HOXC6: variants seen among roughly 807,000 people sequenced by gnomAD.
HOXC6 encodes the protein homeobox C6, also known as homeobox protein Hox-C6.
HOXC6 carries 10 observed loss-of-function variants against 24.0 expected under a neutral mutation model. The ratio of observed to expected loss-of-function variants is 0.42; its 90% CI spans 0.26 to 0.71. HOXC6 has a LOEUF of 0.71. HOXC6 is among the 30% of genes least tolerant of loss of function. HOXC6 has a pLI of 0.28. For synonymous variants in HOXC6, 123 were observed against 128.1 expected, an observed-to-expected ratio of 0.96 and a Z score of 0.27; for missense variants, 258 against 303.4, an observed-to-expected ratio of 0.85 and a Z score of 1.11.
chr12:54,019,714 C>G (rs908861606), intron 1 of HOXC6, among the ~76,000 whole-genome samples: 13 of 152,166 alleles, frequency 8.5e-5, no homozygotes, highest in African/African-American at 3.1e-4. Flanking sequence ...AGGTATTTCT[C>G]TTAATCCTAG....
chr12:54,029,739 T>C lies in HOXC6; in HGVS notation c.485T>C (p.Phe162Ser), dbSNP rs372813456. The change falls in exon 2 of 2, where the codon TTC becomes TCC. Residue 162 changes from phenylalanine to serine, a missense_variant. Coordinates refer to ENST00000243108, the MANE Select transcript of HOXC6 (RefSeq NM_004503.4). ...CTGGAACTGGAGAAGGAATTTCACT[T>C]CAATCGCTACCTAACGCGGCGCCGG... ...QTLELEKEFH[F>S]NRYLTRRRRI... 1 of 1,614,142 alleles carries C rather than the reference T, an allele frequency of 6.2e-7. No homozygotes were observed. Among genetic ancestry groups the C allele is most frequent in the South Asian group, 1.1e-5 (1 of 91,078 alleles).
intron 1 of HOXC6, among the ~76,000 whole-genome samples, chr12:54,023,371 G>A (rs1940535299): frequency 6.6e-6 from 1 of 152,230 alleles, no homozygotes; most frequent in African/African-American, 2.4e-5. Flanking sequence ...GCAGCAATAA[G>A]TGAAGTGCTG....
chr12:54,029,403 G>GCCCCCC (rs1234645036), intron 1 of HOXC6, among the ~76,000 whole-genome samples: 1 of 58,830 alleles, frequency 1.7e-5, no homozygotes, highest in Non-Finnish European at 3.5e-5. Flanking sequence ...CTTTTGCCCC[G>GCCCCCC]CCCCCCCGCC....
chr12:54,030,129 C>T lies in HOXC6; in HGVS notation c.*167C>T. 4.8e-6 allele frequency: 3 copies of T among 628,874 alleles called. No individual in the cohort carries two copies. The highest frequency in any genetic ancestry group is 8.1e-6 in the Non-Finnish European group (3 of 371,608). 39.0% of individuals were successfully genotyped at this position (628,874 alleles called of 1,614,324 possible). A position where few individuals can be genotyped will look rare whatever the true frequency, so the allele number is the denominator to read the frequency against. On this transcript the variant is annotated 3_prime_UTR_variant, in exon 2 of 2. Coordinates refer to ENST00000243108, the MANE Select transcript of HOXC6 (RefSeq NM_004503.4). Reference sequence around the variant, plus strand: ...CCTGAAAGTCAGCTCTGGACCCCCTCCCTCACCGCACAACTCTCTTTCACC... The same window carrying T: ...CCTGAAAGTCAGCTCTGGACCCCCTTCCTCACCGCACAACTCTCTTTCACC...
upstream of HOXC6, among the ~76,000 whole-genome samples, chr12:54,026,277 CTTG>C (rs1348735364): frequency 6.6e-6 from 1 of 152,136 alleles, no homozygotes; most frequent in African/African-American, 2.4e-5. Flanking sequence ...GTACTCCTGC[CTTG>C]TTGTCTCTCC....
chr12:54,024,645 C>T (rs1565738246), upstream of HOXC6, among the ~76,000 whole-genome samples: 1 of 152,184 alleles, frequency 6.6e-6, no homozygotes, highest in Non-Finnish European at 1.5e-5. Context: ...CCACGAACTT[C>T]TTCAGGCTGG....
At position 54,029,674 on chromosome 12, in the gene HOXC6, C is replaced by T; in HGVS notation, c.420C>T (p.Asp140=). Residue 140 remains aspartate, a synonymous_variant, in exon 2 of 2, where the codon GAC becomes GAT. Transcript: ENST00000243108. ...CTTTAGGGGTCGGCTACGGAGCGGA[C>T]CGGAGGCGCGGCCGCCAGATCTACT... The part of the protein sequence containing the change: ...NSHSGVGYGA[D]RRRGRQIYSR... The T allele has an allele frequency of 6.2e-7, 1 of 1,613,546 alleles. No individual in the cohort carries two copies. Among genetic ancestry groups the T allele is most frequent in the Non-Finnish European group, 8.5e-7 (1 of 1,179,610 alleles).
chr12:54,027,347 T>A (rs926923431), upstream of HOXC6, among the ~76,000 whole-genome samples: 4 of 152,182 alleles, frequency 2.6e-5, no homozygotes, highest in Non-Finnish European at 5.9e-5. Flanking sequence ...GGCGGTGCCC[T>A]GAGTCTGGAG....
At chr12:54,026,936 TCC>T (rs60226451), upstream of HOXC6, among the ~76,000 whole-genome samples, 1 of 138,474 alleles carries the variant, frequency 7.2e-6, no homozygotes, top group Non-Finnish European at 1.6e-5. Context: ...TAGCCAGCTT[TCC>T]CCCCCCCCAA....
chr12:54,028,013 TGGGA>T (rs540872639), upstream of HOXC6, among the ~76,000 whole-genome samples: 7 of 152,304 alleles, frequency 4.6e-5, no homozygotes, highest in South Asian at 1.4e-3. Context: ...CCTCCTGTGC[TGGGA>T]GGGAGTTCTT....
intron 1 of HOXC6, among the ~76,000 whole-genome samples, chr12:54,023,031 G>A (rs1454654344): frequency 6.6e-6 from 1 of 152,164 alleles, no homozygotes; most frequent in Non-Finnish European, 1.5e-5. Context: ...CCTGGGCCAA[G>A]CAGGGCCACT....
chr12:54,020,425 A>ATCCCCC (rs1940383671), intron 1 of HOXC6: 1 of 152,212 alleles, frequency 6.6e-6, no homozygotes, highest in African/African-American at 2.4e-5. Flanking sequence ...GGGCAGAGCA[A>ATCCCCC]ACCCTTTCTC....
chr12:54,029,689 C>T lies in HOXC6; in HGVS notation c.435C>T (p.Arg145=). ...VGYGADRRRG[R]QIYSRYQTLE... Reference sequence around the variant, plus strand: ...ACGGAGCGGACCGGAGGCGCGGCCGCCAGATCTACTCGCGGTACCAGACCC... The same window carrying T: ...ACGGAGCGGACCGGAGGCGCGGCCGTCAGATCTACTCGCGGTACCAGACCC... The change falls in exon 2 of 2, where the codon CGC becomes CGT. Residue 145 remains arginine, a synonymous_variant. Coordinates refer to ENST00000243108, the MANE Select transcript of HOXC6 (RefSeq NM_004503.4). 1 of 1,613,934 alleles carries T rather than the reference C, an allele frequency of 6.2e-7. No individual in the cohort carries two copies. Among genetic ancestry groups the T allele is most frequent in the Non-Finnish European group, 8.5e-7 (1 of 1,179,814 alleles).
upstream of HOXC6, among the ~76,000 whole-genome samples, chr12:54,023,790 A>AG (rs759650653): frequency 6.6e-6 from 1 of 152,094 alleles, no homozygotes. Flanking sequence ...CGGTGTGTGT[A>AG]GCGGGGGCAG....
chr12:54,030,115 G>T lies in HOXC6; in HGVS notation c.*153G>T. On this transcript the variant is annotated 3_prime_UTR_variant, in exon 2 of 2. Transcript: ENST00000243108. ...GAGTCAAACGTGGACCTGAAAGTCA[G>T]CTCTGGACCCCCTCCCTCACCGCAC... 1.4e-6 allele frequency: 1 copy of T among 712,386 alleles called. No homozygotes were observed. The highest frequency in any genetic ancestry group is 2.8e-5 in the East Asian group (1 of 36,096). 44.1% of individuals were successfully genotyped at this position (712,386 alleles called of 1,614,324 possible).
Position 54,028,565 on chromosome 12 carries a change from C to T in HOXC6, c.44C>T (p.Ala15Val), listed in dbSNP as rs746978633. 34 of 1,614,168 alleles carry T rather than the reference C, an allele frequency of 2.1e-5. No individual in the cohort carries two copies. Among genetic ancestry groups the T allele is most frequent in the Non-Finnish European group, 2.8e-5 (33 of 1,180,038 alleles). ...FTNPSLSCHL[A>V]GGQDVLPNVA... The stretch of plus-strand genomic sequence containing the variant: ...AACCCTTCCTTATCCTGCCACCTCG[C>T]CGGGGGCCAGGACGTCCTCCCCAAC... Residue 15 changes from alanine to valine, a missense_variant, in exon 1 of 2, where the codon GCC (alanine) becomes GTC (valine). Transcript: ENST00000243108.
intron 1 of HOXC6, among the ~76,000 whole-genome samples, chr12:54,019,207 C>A (rs887532945): frequency 9.0e-6 from 1 of 111,538 alleles, no homozygotes; most frequent in South Asian, 3.2e-4. Context: ...ACTTGTGTGT[C>A]GGCAGAGGCG....
upstream of HOXC6, among the ~76,000 whole-genome samples, chr12:54,024,994 T>A: frequency 6.6e-6 from 1 of 152,212 alleles, no homozygotes; most frequent in East Asian, 1.9e-4. Flanking sequence ...TAATTAAAGC[T>A]TCTCTGAAAG....
At chr12:54,018,860 G>C (rs1266372492) in intron 1 of HOXC6, among the ~76,000 whole-genome samples, 1 of 152,092 alleles carries the variant, frequency 6.6e-6, no homozygotes, top group Non-Finnish European at 1.5e-5. Context: ...CTCTCCCAGA[G>C]GCGCGACTGG....
Sources: allele counts gnomAD v4.1 joint callset (sites outside exome capture counted in the v4.1 genomes callset), GRCh38; gene constraint gnomAD v4.1.1; transcripts MANE v1.5; gene names NCBI Gene and HGNC (gene_info 2026-07-23, HGNC 2026-07-21).